Variants in ARFGEF3 observed in about 807,000 individuals in gnomAD.
ARFGEF3 encodes the protein brefeldin A-inhibited guanine nucleotide-exchange protein 3.
Under a neutral mutation model 221.7 loss-of-function variants are expected in ARFGEF3, and 96 were observed. The observed-to-expected ratio is 0.43, with a 90% CI of 0.37 to 0.51. The LOEUF (loss-of-function observed/expected upper bound fraction) is 0.51, where lower values mean the gene tolerates loss of function less well. Among genes scored for constraint, ARFGEF3 ranks in the 20% least tolerant of loss-of-function variants. The pLI, the probability that ARFGEF3 is intolerant of heterozygous loss-of-function variation, is 0.00. For synonymous variants in ARFGEF3, 1,145 were observed against 1,126.8 expected (o/e 1.02, Z -0.32); for missense variants, 2,410 against 2,789.9 (o/e 0.86, Z 3.07).
intron 14 of ARFGEF3, among the ~76,000 whole-genome samples, chr6:138,285,182 G>C (rs544358600): frequency 2.0e-5 from 3 of 152,208 alleles, no homozygotes; most frequent in South Asian, 4.2e-4. Flanking sequence ...AGGTATTATT[G>C]GCAGGGCACG....
chr6:138,223,456 C>T (rs1173721698), intron 4 of ARFGEF3, among the ~76,000 whole-genome samples: 2 of 152,134 alleles, frequency 1.3e-5, no homozygotes, highest in Non-Finnish European at 2.9e-5. Context: ...GCAAGGCCTT[C>T]TGTGGGCTGT....
intron 4 of ARFGEF3, chr6:138,218,052 T>TAGAC (rs774787919): frequency 1.2e-6 from 2 of 1,613,584 alleles, no homozygotes; most frequent in Admixed American, 3.3e-5. Flanking sequence ...ACCTAGGGTC[T>TAGAC]GAGTTAACTG....
intron 2 of ARFGEF3, among the ~76,000 whole-genome samples, chr6:138,188,517 G>A (rs1330714284): frequency 3.0e-4 from 46 of 152,168 alleles, no homozygotes; most frequent in Admixed American, 3.0e-3. Context: ...TCCAGCACAT[G>A]TCTCGTTTGG....
At position 138,242,933 on chromosome 6, in the gene ARFGEF3, T is replaced by C. The variant is rs1339568857; in HGVS notation, c.544-19T>C. 1.9e-6 allele frequency: 3 copies of C among 1,601,438 alleles called. No homozygotes were observed. The highest frequency in any genetic ancestry group is 1.7e-5 in the Admixed American group (1 of 59,774). On this transcript the variant is annotated intron_variant, in intron 6 of 33. Transcript: ENST00000251691. ...CTTGCCTGAATCTCCTAATTGTGTG[T>C]GTGTATCTCCCTTACTAGATAATTG...
At chr6:138,210,656 G>A (rs1777708231) in intron 4 of ARFGEF3, among the ~76,000 whole-genome samples, 1 of 152,016 alleles carries the variant, frequency 6.6e-6, no homozygotes, top group African/African-American at 2.4e-5. Flanking sequence ...ATGGTGAGTT[G>A]GGCAGAAAGG....
intron 4 of ARFGEF3, among the ~76,000 whole-genome samples, chr6:138,221,687 CTA>C (rs148099259): frequency 0.013 from 1,990 of 152,232 alleles, 27 homozygotes; most frequent in Middle Eastern, 0.058. Flanking sequence ...TTTTCTGTGA[CTA>C]TCACTGTTAC....
Position 138,233,100 on chromosome 6 carries a change from A to G in ARFGEF3, c.420+3248A>G, listed in dbSNP as rs982366490. On this transcript the variant is annotated intron_variant, in intron 5 of 33. Transcript: ENST00000251691. ...ATATATAAAGCTCAAGTGTTTATTC[A>G]TTTCATTTTTTTGTGACCATAGATT... Among the ~76,000 whole-genome samples, 4 of 152,040 alleles carry G rather than the reference A, an allele frequency of 2.6e-5. No individual in the cohort carries two copies. The South Asian group carries it at 8.3e-4, about 31-fold the overall frequency.
chr6:138,235,125 C>T (rs1245779030), intron 5 of ARFGEF3, among the ~76,000 whole-genome samples: 4 of 152,152 alleles, frequency 2.6e-5, no homozygotes, highest in African/African-American at 7.2e-5. Context: ...TCTACTTACT[C>T]AGTGATGTAA....
At chr6:138,308,706 C>T (rs761792320) in intron 23 of ARFGEF3, 33 bp from the exon 24 acceptor site, 7 of 1,612,884 alleles carry the variant, frequency 4.3e-6, no homozygotes, top group Non-Finnish European at 5.9e-6. Flanking sequence ...CAGAAACTTA[C>T]TTTCTTACAA....
At chr6:138,323,021 C>G (rs1193655671) in intron 29 of ARFGEF3, among the ~76,000 whole-genome samples, 2 of 151,400 alleles carry the variant, frequency 1.3e-5, no homozygotes, top group South Asian at 2.1e-4. Context: ...AACAAAATAG[C>G]ATTGAGATAA....
chr6:138,208,225 T>C (rs1285448157), intron 3 of ARFGEF3, among the ~76,000 whole-genome samples: 1 of 152,194 alleles, frequency 6.6e-6, no homozygotes, highest in Non-Finnish European at 1.5e-5. Flanking sequence ...CTGAAGCAAC[T>C]TGGTGGGCTG....
Position 138,286,685 on chromosome 6 carries a change from C to A in ARFGEF3, c.2570-16C>A, listed in dbSNP as rs762078646. The A allele has an allele frequency of 6.2e-7, 1 of 1,611,356 alleles. No individual in the cohort carries two copies. Among genetic ancestry groups the A allele is most frequent in the Non-Finnish European group, 8.5e-7 (1 of 1,177,590 alleles). The stretch of plus-strand genomic sequence containing the variant: ...TTTTGTCTCTAGAAAATGACACACA[C>A]CCCTCCATGTTCCAGGCGTGGCATT... On this transcript the variant is annotated splice_polypyrimidine_tract_variant and intron_variant, in intron 15 of 33. Coordinates refer to ENST00000251691, the MANE Select transcript of ARFGEF3 (RefSeq NM_020340.5).
intron 8 of ARFGEF3, among the ~76,000 whole-genome samples, chr6:138,249,379 G>A (rs1778540552): frequency 6.6e-6 from 1 of 152,210 alleles, no homozygotes; most frequent in Non-Finnish European, 1.5e-5. Context: ...GCCCAGGCTG[G>A]AGTGCAGAGG....
intron 25 of ARFGEF3, among the ~76,000 whole-genome samples, chr6:138,312,256 C>G (rs1271133346): frequency 6.6e-6 from 1 of 152,122 alleles, no homozygotes; most frequent in East Asian, 1.9e-4. Flanking sequence ...CACCATGCCC[C>G]CTCCCTGAGG....
chr6:138,264,964 T>C (rs758789691), intron 12 of ARFGEF3, among the ~76,000 whole-genome samples: 6 of 150,692 alleles, frequency 4.0e-5, no homozygotes, highest in South Asian at 2.1e-4. Context: ...AGTCCAGTGG[T>C]GCAATCTCGG....
chr6:138,254,154 C>T (rs1193453764), intron 9 of ARFGEF3, among the ~76,000 whole-genome samples, 170 bp downstream of exon 9: 1 of 152,120 alleles, frequency 6.6e-6, no homozygotes, highest in African/African-American at 2.4e-5. Context: ...CAGTTGTTCA[C>T]ACCTGTAATC....
chr6:138,260,426 T>G (rs1002429255), intron 10 of ARFGEF3, among the ~76,000 whole-genome samples: 13 of 152,214 alleles, frequency 8.5e-5, no homozygotes, highest in African/African-American at 3.1e-4. Flanking sequence ...TTGAATCAAT[T>G]TAGCCTCAAC....
rs772649300 is a variant in ARFGEF3 at position 138,328,023 on chromosome 6, G to A, written c.5004G>A (p.Val1668=). 1 of 1,552,382 alleles carries A rather than the reference G, an allele frequency of 6.4e-7. No homozygotes were observed. Among genetic ancestry groups the A allele is most frequent in the South Asian group, 1.2e-5 (1 of 84,070 alleles). Residue 1668 remains valine, a splice_region_variant and synonymous_variant, in exon 32 of 34, where the codon GTG becomes GTA. Coordinates refer to ENST00000251691, the MANE Select transcript of ARFGEF3 (RefSeq NM_020340.5). ...YWRIRAMAQQ[V]FMLDTQCSPK... ...TGTACCTTTGCACCCCCATACAGGT[G>A]TTTATGCTGGACACCCAGTGCTCAC...
rs1373244462 is a variant in ARFGEF3 at position 138,291,699 on chromosome 6, G to A, written c.3048-34G>A. The A allele has an allele frequency of 1.5e-6, 2 of 1,298,478 alleles. No homozygotes were observed. Among genetic ancestry groups the A allele is most frequent in the Non-Finnish European group, 2.0e-6 (2 of 1,013,434 alleles). The allele number at this position is 1,298,478 out of a possible 1,614,324, so 80.4% of individuals were successfully genotyped here. ...TATGGAGCTGCCGGGGTGAGCTGCA[G>A]CGCCTAACAGCTGCTTGTCTGTGCT... On this transcript the variant is annotated intron_variant, in intron 18 of 33. Coordinates refer to ENST00000251691, the MANE Select transcript of ARFGEF3 (RefSeq NM_020340.5). The surrounding 1 kb of genome is among the most constrained non-coding windows in gnomAD (Gnocchi z 4.5).
Sources: allele counts gnomAD v4.1 joint callset (sites outside exome capture counted in the v4.1 genomes callset), GRCh38; gene constraint gnomAD v4.1.1; non-coding constraint Gnocchi (gnomAD v3.1); transcripts MANE v1.5; gene names NCBI Gene and HGNC (gene_info 2026-07-23, HGNC 2026-07-21).